Variants in CDKAL1 observed in about 807,000 individuals in gnomAD.
CDKAL1 encodes the protein threonylcarbamoyladenosine tRNA methylthiotransferase.
In CDKAL1, 32 loss-of-function variants were observed where a neutral mutation model predicts 68.2. The observed-to-expected ratio is 0.47, with a 90% CI of 0.35 to 0.63. CDKAL1 has a LOEUF of 0.63. Among genes scored for constraint, CDKAL1 ranks in the 30% least tolerant of loss-of-function variants. The probability of loss-of-function intolerance (pLI) is 0.00; values close to 1 mark genes in which losing one functional copy is unlikely to be tolerated. For synonymous variants in CDKAL1, 234 were observed against 244.3 expected (o/e 0.96, Z 0.39); for missense variants, 606 against 696.7 (o/e 0.87, Z 1.47).
At chr6:20,992,614 C>A (rs2150801290) in intron 10 of CDKAL1, among the ~76,000 whole-genome samples, 1 of 152,164 alleles carries the variant, frequency 6.6e-6, no homozygotes, top group South Asian at 2.1e-4. Context: ...TAAGGCTAGG[C>A]ATGGTGGGCA....
At chr6:21,083,222 GT>G (rs1227151645) in intron 12 of CDKAL1, among the ~76,000 whole-genome samples, 1 of 152,086 alleles carries the variant, frequency 6.6e-6, no homozygotes, top group Non-Finnish European at 1.5e-5. Context: ...TTTATACAAT[GT>G]TTTTAATAAT....
At chr6:20,997,743 T>G (rs904635613) in intron 10 of CDKAL1, among the ~76,000 whole-genome samples, 27 of 152,252 alleles carry the variant, frequency 1.8e-4, no homozygotes, top group African/African-American at 6.0e-4. Context: ...CCCTTTCAAA[T>G]TTATGTCATG....
rs368672589 is a variant in CDKAL1 at position 20,739,494 on chromosome 6, C to A, written c.372-25C>A. The A allele has an allele frequency of 3.4e-6, 5 of 1,470,352 alleles. No homozygotes were observed. The East Asian group carries it at 9.1e-5, about 27-fold the overall frequency. The allele number at this position is 1,470,352 out of a possible 1,614,324, so 91.1% of individuals were successfully genotyped here. ...GTATACCCATGAGCAAAGGAATTCA[C>A]ATTGTCTTCTCTTCAATCTTTTAGA... On this transcript the variant is annotated intron_variant, in intron 5 of 15. Transcript: ENST00000274695.
At chr6:20,936,217 A>C (rs891917922) in intron 9 of CDKAL1, among the ~76,000 whole-genome samples, 1 of 151,314 alleles carries the variant, frequency 6.6e-6, no homozygotes, top group Non-Finnish European at 1.5e-5. Flanking sequence ...TTTTTAAAAA[A>C]ATTCTGTGTC....
chr6:20,647,041 G>A (rs1414451259), intron 4 of CDKAL1, among the ~76,000 whole-genome samples: 1 of 152,114 alleles, frequency 6.6e-6, no homozygotes, highest in African/African-American at 2.4e-5. Flanking sequence ...ACCTGCACCC[G>A]GCCCTTATTT....
chr6:20,892,428 A>G (rs1217854956), intron 9 of CDKAL1, among the ~76,000 whole-genome samples: 1 of 152,230 alleles, frequency 6.6e-6, no homozygotes, highest in Non-Finnish European at 1.5e-5. Flanking sequence ...TTTTTAAGGT[A>G]TGGTAATAAT....
intron 13 of CDKAL1, among the ~76,000 whole-genome samples, chr6:21,113,294 A>G (rs1434058474): frequency 1.3e-5 from 2 of 152,116 alleles, no homozygotes; most frequent in African/African-American, 4.8e-5. Context: ...AGTCTCAGGA[A>G]CTGCTGCTTC....
At chr6:21,125,095 C>A (rs1217345215) in intron 13 of CDKAL1, among the ~76,000 whole-genome samples, 1 of 152,092 alleles carries the variant, frequency 6.6e-6, no homozygotes. Context: ...GTGTCCCCAT[C>A]CAAAATCTCA....
At chr6:20,687,731 G>A (rs1337213551) in intron 5 of CDKAL1, among the ~76,000 whole-genome samples, 1 of 151,956 alleles carries the variant, frequency 6.6e-6, no homozygotes, top group African/African-American at 2.4e-5. Context: ...TTGCCATGTT[G>A]CCCAGGCTGG....
chr6:21,158,982 G>A (rs1776775630), intron 13 of CDKAL1, among the ~76,000 whole-genome samples: 1 of 151,944 alleles, frequency 6.6e-6, no homozygotes, highest in Admixed American at 6.6e-5. Flanking sequence ...GTTTTGTTGT[G>A]ACAAAAGGTG....
chr6:20,799,500 T>G lies in CDKAL1; in HGVS notation c.638+18235T>G, dbSNP rs77246704. On this transcript the variant is annotated intron_variant, in intron 8 of 15. Transcript: ENST00000274695. ...TACTGTATACCACTAAAATAATAAATAAGAATTTTTAAAAAGACAGTTATA... is the reference window on the plus strand; with the variant it reads ...TACTGTATACCACTAAAATAATAAAGAAGAATTTTTAAAAAGACAGTTATA... 4.2e-3 allele frequency among the ~76,000 whole-genome samples: 632 copies of G among 152,138 alleles called. 8 individuals carry two copies. Among genetic ancestry groups the G allele is most frequent in the African/African-American group, 0.013 (558 of 41,474 alleles).
In CDKAL1 at chr6:20,763,350, C is replaced by T. The variant is rs572545275; in HGVS notation, c.517+4707C>T. Reference sequence around the variant, plus strand: ...TGCCTCTGGGATGGAAACAGCACCCCGTTGTTGCTAGCCTCAGAGTACCGC... The same window carrying T: ...TGCCTCTGGGATGGAAACAGCACCCTGTTGTTGCTAGCCTCAGAGTACCGC... On this transcript the variant is annotated intron_variant, in intron 7 of 15. Coordinates refer to ENST00000274695, the MANE Select transcript of CDKAL1 (RefSeq NM_017774.3). Among the ~76,000 whole-genome samples, 5 of 152,244 alleles carry T rather than the reference C, an allele frequency of 3.3e-5. No homozygotes were observed. The East Asian group carries it at 7.7e-4, about 23-fold the overall frequency.
At chr6:20,745,178 G>A (rs1020965330) in intron 6 of CDKAL1, among the ~76,000 whole-genome samples, 3 of 152,192 alleles carry the variant, frequency 2.0e-5, no homozygotes, top group Non-Finnish European at 4.4e-5. Flanking sequence ...CAGGCAGGCT[G>A]CTCTAATCTC....
chr6:20,880,281 G>C (rs1327689144), intron 9 of CDKAL1, among the ~76,000 whole-genome samples: 2 of 151,830 alleles, frequency 1.3e-5, no homozygotes, highest in Non-Finnish European at 2.9e-5. Context: ...TTTCGAGATG[G>C]AATCTCTCTC....
intron 5 of CDKAL1, among the ~76,000 whole-genome samples, chr6:20,720,849 A>C (rs1772316361): frequency 1.3e-5 from 2 of 152,214 alleles, no homozygotes; most frequent in African/African-American, 4.8e-5. Context: ...CATGTAAGTG[A>C]GGATATGTGA....
intron 4 of CDKAL1, among the ~76,000 whole-genome samples, chr6:20,563,975 C>T (rs1400480506): frequency 6.6e-6 from 1 of 152,162 alleles, no homozygotes; most frequent in Non-Finnish European, 1.5e-5. Flanking sequence ...ATGGCTCAAT[C>T]ATTTTTAACT....
At chr6:20,598,482 G>A (rs899588396) in intron 4 of CDKAL1, among the ~76,000 whole-genome samples, 1 of 152,036 alleles carries the variant, frequency 6.6e-6, no homozygotes, top group African/African-American at 2.4e-5. Flanking sequence ...ATGAAGTATG[G>A]CATACGATAC....
chr6:20,605,774 A>G (rs1025077889), intron 4 of CDKAL1, among the ~76,000 whole-genome samples: 1 of 152,154 alleles, frequency 6.6e-6, no homozygotes, highest in Non-Finnish European at 1.5e-5. Flanking sequence ...GCTGGTAAGA[A>G]CAGGCATTAT....
chr6:20,957,095 A>T (rs2150730173), intron 10 of CDKAL1, among the ~76,000 whole-genome samples: 1 of 151,952 alleles, frequency 6.6e-6, no homozygotes, highest in Middle Eastern at 3.4e-3. Flanking sequence ...ATACATCGTG[A>T]AGACCAGGAG....
Sources: allele counts gnomAD v4.1 joint callset (sites outside exome capture counted in the v4.1 genomes callset), GRCh38; gene constraint gnomAD v4.1.1; transcripts MANE v1.5; gene names NCBI Gene and HGNC (gene_info 2026-07-23, HGNC 2026-07-21).